The following FBXO9 variants were observed in gnomAD, a reference collection of about 807,000 sequenced individuals.
The protein encoded by FBXO9 is F-box only protein 9.
Under a neutral mutation model 63.7 loss-of-function variants are expected in FBXO9, and 43 were observed. The ratio of observed to expected loss-of-function variants is 0.67; its 90% CI spans 0.53 to 0.87. FBXO9 has a LOEUF of 0.87. Ranked by LOEUF, FBXO9 falls within the 40% of genes least tolerant of loss-of-function variation. FBXO9 has a pLI of 0.00. For missense variants in FBXO9, 442 were observed against 533.2 expected, an observed-to-expected ratio of 0.83 and a Z score of 1.68; for synonymous variants, 156 against 171.7, an observed-to-expected ratio of 0.91 and a Z score of 0.72.
intron 1 of FBXO9, among the ~76,000 whole-genome samples, chr6:53,068,897 A>C (rs548316620): frequency 6.6e-6 from 1 of 152,076 alleles, no homozygotes; most frequent in East Asian, 1.9e-4. Context: ...CAGTCCTTCC[A>C]CCTCAGCCTT....
At chr6:53,065,953 G>C (rs1268769194) in intron 1 of FBXO9, 161 bp downstream of exon 1, 1 of 1,153,688 alleles carries the variant, frequency 8.7e-7, no homozygotes, top group Non-Finnish European at 1.1e-6. Context: ...GGAGTGCGTC[G>C]GGGGGCGGGG....
chr6:53,079,886 T>G (rs1769248555), intron 5 of FBXO9, among the ~76,000 whole-genome samples: 1 of 152,172 alleles, frequency 6.6e-6, no homozygotes, highest in African/African-American at 2.4e-5. Context: ...TCAATATTAA[T>G]AGCCTGTTTA....
chr6:53,100,493 T>C lies in FBXO9; in HGVS notation c.*2663T>C. 1 of 152,230 alleles carries C rather than the reference T, an allele frequency of 6.6e-6. No homozygotes were observed. The highest frequency in any genetic ancestry group is 1.5e-5 in the Non-Finnish European group (1 of 68,048). The allele number at this position is 152,230 out of a possible 1,614,324, so 9.4% of individuals were successfully genotyped here. On this transcript the variant is annotated 3_prime_UTR_variant, in exon 13 of 13. Coordinates refer to ENST00000323557, the MANE Select transcript of FBXO9 (RefSeq NM_033480.3). The stretch of plus-strand genomic sequence containing the variant: ...TGCCTCCTCCTGTCTTGCATTTTCC[T>C]CCCAGCCCCCTTCCTACCCCTTAGC...
intron 9 of FBXO9, 113 bp from the exon 10 acceptor site, chr6:53,093,353 G>A (rs1244067091): frequency 1.3e-5 from 8 of 616,498 alleles, no homozygotes; most frequent in Non-Finnish European, 2.2e-5. Context: ...TTAGCCCGTG[G>A]TATTTCAGTG....
In FBXO9 at chr6:53,095,669, G is replaced by A; in HGVS notation, c.1205+5G>A. ...TTCTTGTCACATTACTTACAAGTAG[G>A]TGAATGCAATAAAAATAACAAGGTT... On this transcript the variant is annotated splice_donor_5th_base_variant and intron_variant, in intron 12 of 12. Transcript: ENST00000323557. 1.2e-6 allele frequency: 2 copies of A among 1,600,314 alleles called. No homozygotes were observed. Among genetic ancestry groups the A allele is most frequent in the Middle Eastern group, 3.3e-4 (2 of 6,002 alleles).
In FBXO9 at chr6:53,096,859, T is replaced by G. The variant is rs555184581; in HGVS notation, c.1206-863T>G. Among the ~76,000 whole-genome samples the G allele has an allele frequency of 3.3e-5, 5 of 152,190 alleles. No individual in the cohort carries two copies. The East Asian group carries it at 9.6e-4, about 29-fold the overall frequency. On this transcript the variant is annotated intron_variant, in intron 12 of 12. Coordinates refer to ENST00000323557, the MANE Select transcript of FBXO9 (RefSeq NM_033480.3). ...AGTTCAAGGCTGCGGTGAGCTATGA[T>G]CACACCACTGCACTCCAGCCTCGGT...
chr6:53,080,894 G>T (rs1769286186), intron 5 of FBXO9, 74 bp from the exon 6 acceptor site: 1 of 1,532,102 alleles, frequency 6.5e-7, no homozygotes. Context: ...ATTTGAAAAT[G>T]CTATGAAAAA....
rs562389459 is a variant in FBXO9, at chr6:53,076,608, A to AT, written c.307+74dup. On this transcript the variant is annotated intron_variant, in intron 4 of 12. Transcript: ENST00000323557. ...GAATAATGACTCTGTTATTAACCAT[A>AT]TTTTTTTTTCTATAACTTATTTGGT... The AT allele has an allele frequency of 4.0e-3, 4,620 of 1,166,288 alleles. 1 individual carries two copies. The highest frequency in any genetic ancestry group is 0.012 in the African/African-American group (724 of 61,076). 72.2% of individuals were successfully genotyped at this position (1,166,288 alleles called of 1,614,324 possible). A position where few individuals can be genotyped will look rare whatever the true frequency, so the allele number is the denominator to read the frequency against.
chr6:53,072,963 TC>T (rs370799023), intron 2 of FBXO9, among the ~76,000 whole-genome samples: 45 of 152,334 alleles, frequency 3.0e-4, no homozygotes, highest in African/African-American at 1.1e-3. Flanking sequence ...CCTCAGGTGA[TC>T]CGTCTGCCTC....
Position 53,095,570 on chromosome 6 carries a change from C to G in FBXO9, c.1111C>G (p.Gln371Glu), listed in dbSNP as rs770319112. Residue 371 changes from glutamine (Q) to glutamate (E), a missense_variant, in exon 12 of 13, where the codon CAG becomes GAG. This residue lies in a region of FBXO9 where 262 missense variants were observed against 362.1 expected (regional missense o/e 0.72). Coordinates refer to ENST00000323557, the MANE Select transcript of FBXO9 (RefSeq NM_033480.3). ...FRRVPVQEAD[Q>E]SFHVGLQLCS... ...TCGTGTCCCTGTACAAGAAGCAGATCAGAGTTTTCATGTGGGGCTACAGCT... is the reference window on the plus strand; with the variant it reads ...TCGTGTCCCTGTACAAGAAGCAGATGAGAGTTTTCATGTGGGGCTACAGCT... 6.2e-7 allele frequency: 1 copy of G among 1,613,726 alleles called. No homozygotes were observed. Among genetic ancestry groups the G allele is most frequent in the Non-Finnish European group, 8.5e-7 (1 of 1,179,774 alleles).
In FBXO9 at chr6:53,071,125, T is replaced by G. The variant is rs748203633; in HGVS notation, c.72T>G (p.Pro24=). 4 of 1,563,234 alleles carry G rather than the reference T, an allele frequency of 2.6e-6. No homozygotes were observed. Among genetic ancestry groups the G allele is most frequent in the Admixed American group, 1.9e-5 (1 of 52,480 alleles). The part of the protein sequence containing the change: ...RADDDEENES[P]AETDLQAQLQ... ...ATGATGATGAAGAAAATGAAAGTCCTGCTGAAACAGATCTGCAGGCATGTT... is the reference window on the plus strand; with the variant it reads ...ATGATGATGAAGAAAATGAAAGTCCGGCTGAAACAGATCTGCAGGCATGTT... Residue 24 remains proline (P), a synonymous_variant, in exon 2 of 13, where the codon CCT becomes CCG. Coordinates refer to ENST00000323557, the MANE Select transcript of FBXO9 (RefSeq NM_033480.3).
intron 7 of FBXO9, 88 bp downstream of exon 7, chr6:53,082,706 G>A: frequency 1.1e-6 from 1 of 908,510 alleles, no homozygotes; most frequent in Non-Finnish European, 1.7e-6. Context: ...AAAATTACTT[G>A]ATTGGTGTTC....
chr6:53,082,456 A>C (rs374960590), intron 6 of FBXO9, 48 bp from the exon 7 acceptor site: 2 of 1,254,144 alleles, frequency 1.6e-6, no homozygotes, highest in Non-Finnish European at 2.3e-6. Flanking sequence ...AGTTGTGACA[A>C]TAGAATGACA....
At position 53,075,734 on chromosome 6, in the gene FBXO9, A is replaced by ATTTTTTTTTTTT. The variant is rs761159029; in HGVS notation, c.250-750_250-749insTTTTTTTTTTTT. 1.6e-4 allele frequency among the ~76,000 whole-genome samples: 13 copies of ATTTTTTTTTTTT among 82,172 alleles called. 2 individuals carry two copies. Among genetic ancestry groups the ATTTTTTTTTTTT allele is most frequent in the African/African-American group, 3.6e-4 (7 of 19,320 alleles). 53.9% of individuals were successfully genotyped at this position (82,172 alleles called of 152,430 possible). ...TAATTGGATTACATATATATATATA[A>ATTTTTTTTTTTT]TTATTTTTTTTTTTTTTTTTTTTTT... On this transcript the variant is annotated intron_variant, in intron 3 of 12. Transcript: ENST00000323557.
intron 6 of FBXO9, among the ~76,000 whole-genome samples, chr6:53,081,499 C>T (rs1769312139): frequency 6.6e-6 from 1 of 152,170 alleles, no homozygotes; most frequent in South Asian, 2.1e-4. Flanking sequence ...TCTCGAACTC[C>T]TGACTTCATG....
chr6:53,067,028 C>T (rs1768728499), intron 1 of FBXO9, among the ~76,000 whole-genome samples: 1 of 152,196 alleles, frequency 6.6e-6, no homozygotes, highest in South Asian at 2.1e-4. Context: ...CTCCCATTTC[C>T]TTTCCTCATC....
intron 11 of FBXO9, chr6:53,094,712 C>A (rs757511667): frequency 4.7e-6 from 2 of 423,364 alleles, no homozygotes; most frequent in African/African-American, 4.1e-5. Context: ...GTTTCATCTG[C>A]GAGTCCTATC....
chr6:53,071,095 A>C lies in FBXO9; in HGVS notation c.42A>C (p.Arg14Ser). The C allele has an allele frequency of 6.4e-7, 1 of 1,574,500 alleles. No homozygotes were observed. Among genetic ancestry groups the C allele is most frequent in the Non-Finnish European group, 8.6e-7 (1 of 1,157,974 alleles). Residue 14 changes from arginine (R) to serine (S), a missense_variant, in exon 2 of 13, where the codon AGA (arginine) becomes AGC (serine). Physicochemically the swap from Arg to Ser is moderately radical, Grantham distance 110 (BLOSUM62 -1). This residue lies in a region of FBXO9 where 180 missense variants were observed against 171.1 expected (regional missense o/e 1.05). Coordinates refer to ENST00000323557, the MANE Select transcript of FBXO9 (RefSeq NM_033480.3). ...AEEDCHSDTV[R>S]ADDDEENESP... The stretch of plus-strand genomic sequence containing the variant: ...AAGATTGTCATTCTGATACTGTCAG[A>C]GCAGATGATGATGAAGAAAATGAAA...
At chr6:53,076,142 CA>C (rs1348014675) in intron 3 of FBXO9, among the ~76,000 whole-genome samples, 1 of 152,142 alleles carries the variant, frequency 6.6e-6, no homozygotes, top group African/African-American at 2.4e-5. Flanking sequence ...ATCCTCTTAA[CA>C]GGGCATTTCA....
Sources: allele counts gnomAD v4.1 joint callset (sites outside exome capture counted in the v4.1 genomes callset), GRCh38; gene constraint gnomAD v4.1.1; regional missense constraint gnomAD v4.1.1; transcripts MANE v1.5; gene names NCBI Gene and HGNC (gene_info 2026-07-23, HGNC 2026-07-21).